SLC8A1: variants seen among roughly 807,000 people sequenced by gnomAD.
The protein encoded by SLC8A1 is sodium/calcium exchanger 1.
SLC8A1 carries 18 observed loss-of-function variants against 68.3 expected under a neutral mutation model. That is an observed-to-expected ratio of 0.26 (90% CI 0.18 to 0.39). SLC8A1 has a LOEUF of 0.39. SLC8A1 is among the 10% of genes least tolerant of loss of function. SLC8A1 has a pLI of 1.00. For missense variants in SLC8A1, 985 were observed against 1,156.7 expected (o/e 0.85, Z 2.15); for synonymous variants, 475 against 415.5 (o/e 1.14, Z -1.74).
intron 1 of SLC8A1, among the ~76,000 whole-genome samples, chr2:40,436,382 A>G (rs1699422840): frequency 6.6e-6 from 1 of 152,176 alleles, no homozygotes; most frequent in East Asian, 1.9e-4. Flanking sequence ...GCACCCTAAC[A>G]TGAGCAGAGT....
chr2:40,433,184 AT>A (rs1450811447), intron 1 of SLC8A1, among the ~76,000 whole-genome samples: 3 of 152,210 alleles, frequency 2.0e-5, no homozygotes, highest in African/African-American at 7.2e-5. Context: ...AAAACTCTTC[AT>A]TGGTTTCCCA....
At chr2:40,141,817 G>GA (rs2041622916) in intron 6 of SLC8A1, among the ~76,000 whole-genome samples, 1 of 152,106 alleles carries the variant, frequency 6.6e-6, no homozygotes, top group Non-Finnish European at 1.5e-5. Flanking sequence ...AACCCAATAT[G>GA]ACTGGTGTCC....
chr2:40,312,778 A>G (rs1368775120), intron 2 of SLC8A1, among the ~76,000 whole-genome samples: 2 of 152,090 alleles, frequency 1.3e-5, no homozygotes, highest in Non-Finnish European at 2.9e-5. Flanking sequence ...AACTTTATCA[A>G]CTGTAGAAAA....
At chr2:40,414,101 T>C (rs561191319) in intron 2 of SLC8A1, among the ~76,000 whole-genome samples, 6 of 152,304 alleles carry the variant, frequency 3.9e-5, no homozygotes, top group African/African-American at 1.4e-4. Flanking sequence ...TTCTCTAATA[T>C]AAATGTGTTG....
At chr2:40,220,626 C>A (rs764418347) in intron 2 of SLC8A1, among the ~76,000 whole-genome samples, 1 of 152,172 alleles carries the variant, frequency 6.6e-6, no homozygotes, top group Non-Finnish European at 1.5e-5. Flanking sequence ...CTAACCTGGT[C>A]AATGAATTAT....
intron 1 of SLC8A1, among the ~76,000 whole-genome samples, chr2:40,451,008 G>C (rs900197460): frequency 6.6e-6 from 1 of 152,142 alleles, no homozygotes; most frequent in African/African-American, 2.4e-5. Flanking sequence ...TGCAGGGGGT[G>C]GATTTAAAGA....
At chr2:40,325,000 C>T (rs538496627) in intron 2 of SLC8A1, among the ~76,000 whole-genome samples, 9 of 151,962 alleles carry the variant, frequency 5.9e-5, no homozygotes, top group Non-Finnish European at 1.2e-4. Flanking sequence ...ACAGCACTTC[C>T]ACACTCTCTT....
At chr2:40,216,369 G>A (rs1047670473) in intron 2 of SLC8A1, among the ~76,000 whole-genome samples, 7 of 152,130 alleles carry the variant, frequency 4.6e-5, no homozygotes, top group Non-Finnish European at 1.0e-4. Context: ...ATTCCATGGT[G>A]TATATGTACC....
At chr2:40,295,414 A>C (rs1317993116) in intron 2 of SLC8A1, among the ~76,000 whole-genome samples, 2 of 152,172 alleles carry the variant, frequency 1.3e-5, no homozygotes, top group Non-Finnish European at 2.9e-5. Flanking sequence ...AAAAAGTAAC[A>C]TATTGAATGT....
chr2:40,288,907 C>CT (rs1296547860), intron 2 of SLC8A1, among the ~76,000 whole-genome samples: 1 of 140,564 alleles, frequency 7.1e-6, no homozygotes, highest in Non-Finnish European at 1.5e-5. Flanking sequence ...ATAATGTTGC[C>CT]TGGGCTGGTC....
chr2:40,235,035 A>C (rs1469335580), intron 2 of SLC8A1, among the ~76,000 whole-genome samples: 1 of 152,148 alleles, frequency 6.6e-6, no homozygotes, highest in Non-Finnish European at 1.5e-5. Context: ...ATCAATGTTC[A>C]TCAAGGATAT....
chr2:40,368,494 C>G (rs562709596), intron 2 of SLC8A1, among the ~76,000 whole-genome samples: 1 of 151,956 alleles, frequency 6.6e-6, no homozygotes, highest in African/African-American at 2.4e-5. Flanking sequence ...CTGGGATTTA[C>G]CACTTTTTAT....
At chr2:40,172,416 T>G (rs980045709) in intron 4 of SLC8A1, among the ~76,000 whole-genome samples, 1 of 152,138 alleles carries the variant, frequency 6.6e-6, no homozygotes, top group African/African-American at 2.4e-5. Flanking sequence ...GATTACAGTT[T>G]CAGCCATAGG....
intron 2 of SLC8A1, among the ~76,000 whole-genome samples, chr2:40,316,748 G>A (rs2074502564): frequency 6.6e-6 from 1 of 151,894 alleles, no homozygotes; most frequent in African/African-American, 2.4e-5. Flanking sequence ...TAACGTGGCT[G>A]TCCAAAATAC....
chr2:40,175,186 G>A (rs2048252012), intron 3 of SLC8A1, 75 bp downstream of exon 4: 1 of 1,404,004 alleles, frequency 7.1e-7, no homozygotes, highest in South Asian at 1.2e-5. Flanking sequence ...AAGTCACAGA[G>A]CTACTGTATC....
Position 40,283,287 on chromosome 2 carries a change from G to A in SLC8A1, c.1809-105432C>T, listed in dbSNP as rs138475237. Among the ~76,000 whole-genome samples, 36 of 152,330 alleles carry A rather than the reference G, an allele frequency of 2.4e-4. No homozygotes were observed. The East Asian group carries it at 5.6e-3, about 24-fold the overall frequency. On this transcript the variant is annotated intron_variant, in intron 2 of 7. Transcript: ENST00000406785. The stretch of plus-strand genomic sequence containing the variant: ...CTCTTCCAGCTATGCTGGTGTCATA[G>A]TAAGAGCCTGATGCTATTATTATCT...
intron 1 of SLC8A1, among the ~76,000 whole-genome samples, chr2:40,494,411 C>T (rs1239540051): frequency 6.6e-6 from 1 of 151,776 alleles, no homozygotes; most frequent in South Asian, 2.1e-4. Context: ...CATTGTTGGA[C>T]ATTTGGGTTG....
At chr2:40,347,729 T>C (rs532303356) in intron 2 of SLC8A1, among the ~76,000 whole-genome samples, 2 of 152,344 alleles carry the variant, frequency 1.3e-5, no homozygotes, top group South Asian at 4.1e-4. Context: ...TGTATTAATT[T>C]AGTTTATGAC....
chr2:40,136,043 A>C, intron 7 of SLC8A1, among the ~76,000 whole-genome samples: 1 of 152,176 alleles, frequency 6.6e-6, no homozygotes, highest in East Asian at 1.9e-4. Context: ...TGTCATTTAC[A>C]CCATGGAGAC....
Sources: gnomAD v4.1 joint callset for allele counts (sites outside exome capture counted in the v4.1 genomes callset) on GRCh38, gnomAD v4.1.1 for gene constraint, MANE v1.5 for transcripts, NCBI Gene and HGNC (gene_info 2026-07-23, HGNC 2026-07-21) for gene names.